The following TIMELESS variants were observed in gnomAD, a reference collection of about 807,000 sequenced individuals.
TIMELESS encodes timeless circadian regulator.
TIMELESS carries 124 observed loss-of-function variants against 164.3 expected under a neutral mutation model. The observed-to-expected ratio is 0.75, with a 90% CI of 0.65 to 0.88. The LOEUF (loss-of-function observed/expected upper bound fraction) is 0.88, where lower values mean the gene tolerates loss of function less well. Among genes scored for constraint, TIMELESS ranks in the 40% least tolerant of loss-of-function variants. The probability of loss-of-function intolerance (pLI) is 0.00; values close to 1 mark genes in which losing one functional copy is unlikely to be tolerated. For synonymous variants in TIMELESS, 564 were observed against 563.4 expected (o/e 1.00, Z -0.02); for missense variants, 1,422 against 1,491.4 (o/e 0.95, Z 0.77).
chr12:56,449,376 T>C lies in TIMELESS; in HGVS notation c.-128A>G, dbSNP rs930513672. ...CCCTCTGGCGCGGGGCCGCAGCCTTTCCGCCACCAGGCTCAGCTGGACCGG... is the reference window on the plus strand; with the variant it reads ...CCCTCTGGCGCGGGGCCGCAGCCTTCCCGCCACCAGGCTCAGCTGGACCGG... On this transcript the variant is annotated 5_prime_UTR_variant, in exon 1 of 29. Coordinates refer to ENST00000553532, the MANE Select transcript of TIMELESS (RefSeq NM_003920.5). 1.3e-5 allele frequency: 2 copies of C among 152,218 alleles called. No individual in the cohort carries two copies. The highest frequency in any genetic ancestry group is 4.8e-5 in the African/African-American group (2 of 41,448). The allele number at this position is 152,218 out of a possible 1,614,324, so 9.4% of individuals were successfully genotyped here.
Position 56,417,659 on chromosome 12 carries a change from G to T in TIMELESS, c.*57C>A. On this transcript the variant is annotated 3_prime_UTR_variant, in exon 29 of 29. Transcript: ENST00000553532. ...GGTCCTGTATGACCCTTCCAACTCT[G>T]ACTTGAATGCACCATCTAAAAACGT... The T allele has an allele frequency of 1.3e-6, 2 of 1,571,866 alleles. No homozygotes were observed. Among genetic ancestry groups the T allele is most frequent in the South Asian group, 2.2e-5 (2 of 89,968 alleles).
At chr12:56,440,133 CTTTTT>C (rs33978004) in intron 1 of TIMELESS, among the ~76,000 whole-genome samples, 26 of 87,640 alleles carry the variant, frequency 3.0e-4, no homozygotes, top group Admixed American at 4.4e-4. Context: ...TCAAATTAAC[CTTTTT>C]TTTTTTTTTT....
intron 1 of TIMELESS, among the ~76,000 whole-genome samples, chr12:56,443,756 T>C (rs1414598987): frequency 6.6e-6 from 1 of 152,220 alleles, no homozygotes; most frequent in Non-Finnish European, 1.5e-5. Flanking sequence ...AGTCTTTCTC[T>C]TTATTTATGA....
Position 56,421,116 on chromosome 12 carries a change from G to A in TIMELESS, c.2887C>T (p.Leu963=). The A allele has an allele frequency of 6.2e-7, 1 of 1,614,102 alleles. No homozygotes were observed. Among genetic ancestry groups the A allele is most frequent in the Non-Finnish European group, 8.5e-7 (1 of 1,180,040 alleles). Residue 963 remains leucine, a synonymous_variant, in exon 24 of 29, where the codon CTG becomes TTG. Coordinates refer to ENST00000553532, the MANE Select transcript of TIMELESS (RefSeq NM_003920.5). ...AGATCTTCCTGGCAAAAATCTTTCAGGGACTCCGCTCCATTTGGCTAAAAT... is the reference window on the plus strand; with the variant it reads ...AGATCTTCCTGGCAAAAATCTTTCAAGGACTCCGCTCCATTTGGCTAAAAT... ...SSILPNGAES[L]KDFCQEDLEE...
chr12:56,443,797 G>T (rs1229379659), intron 1 of TIMELESS, among the ~76,000 whole-genome samples: 2 of 151,990 alleles, frequency 1.3e-5, no homozygotes, highest in Non-Finnish European at 2.9e-5. Context: ...AAATAGAAAA[G>T]AACCTACATT....
intron 8 of TIMELESS, 31 bp downstream of exon 8, chr12:56,431,439 TA>T: frequency 7.5e-6 from 12 of 1,592,430 alleles, no homozygotes; most frequent in Non-Finnish European, 8.5e-6. Context: ...TTCCATGATG[TA>T]GGAAAAAGAA....
At chr12:56,435,585 G>A (rs1486361301) in intron 1 of TIMELESS, among the ~76,000 whole-genome samples, 1 of 152,176 alleles carries the variant, frequency 6.6e-6, no homozygotes, top group Non-Finnish European at 1.5e-5. Context: ...GGCCAAGGCA[G>A]GCAGATCACC....
At chr12:56,419,335 C>G (rs1039167062) in intron 26 of TIMELESS, among the ~76,000 whole-genome samples, 5 of 152,174 alleles carry the variant, frequency 3.3e-5, no homozygotes, top group Non-Finnish European at 7.3e-5. Flanking sequence ...GAACAAATCA[C>G]AGCTGCAAAA....
rs759402624 is a variant in TIMELESS, at chr12:56,433,892, A to T, written c.132T>A (p.His44Gln). 2 of 1,614,048 alleles carry T rather than the reference A, an allele frequency of 1.2e-6. No individual in the cohort carries two copies. Among genetic ancestry groups the T allele is most frequent in the South Asian group, 2.2e-5 (2 of 91,086 alleles). Residue 44 changes from histidine (H) to glutamine (Q), a missense_variant, in exon 3 of 29, where the codon CAT becomes CAA. His to Gln is a conservative substitution (Grantham distance 24). Transcript: ENST00000553532. ...SVKDLIRYLR[H>Q]EDETRDVRQQ... ...GCCGCACATCTCGTGTCTCATCCTC[A>T]TGCCTCAAATAGCGGATCAGATCCT... is the stretch of plus-strand genomic sequence containing the variant.
In TIMELESS at chr12:56,443,948, G is replaced by C. The variant is rs572699791; in HGVS notation, c.-62+5362C>G. On this transcript the variant is annotated intron_variant, in intron 1 of 28. Coordinates refer to ENST00000553532, the MANE Select transcript of TIMELESS (RefSeq NM_003920.5). ...GAGTCTTGCTCTGTCATACAGGCTG[G>C]AGTGCAGTGGCGTGATTTCGGCTCA... Among the ~76,000 whole-genome samples the C allele has an allele frequency of 8.6e-5, 13 of 151,026 alleles. No homozygotes were observed. The South Asian group carries it at 2.5e-3, about 29-fold the overall frequency.
At position 56,428,354 on chromosome 12, in the gene TIMELESS, C is replaced by T. The variant is rs777957155; in HGVS notation, c.1460G>A (p.Arg487Gln). ...EYRELFLALF[R>Q]KFDERCQPRS... The stretch of plus-strand genomic sequence containing the variant: ...GGGCTGGCATCTCTCATCAAACTTT[C>T]GAAAAAGTGCCAGGAATAGTTCTCG... Residue 487 changes from arginine (R) to glutamine (Q), a missense_variant, in exon 13 of 29, where the codon CGA becomes CAA. Transcript: ENST00000553532. The T allele has an allele frequency of 8.7e-6, 14 of 1,612,378 alleles. No individual in the cohort carries two copies. The highest frequency in any genetic ancestry group is 1.6e-4 in the Middle Eastern group (1 of 6,078).
Position 56,423,593 on chromosome 12 carries a change from T to C in TIMELESS, c.2081A>G (p.Tyr694Cys), listed in dbSNP as rs1881573802. The stretch of plus-strand genomic sequence containing the variant: ...GCCTCTCAGCCCGCACCGTTTCAGG[T>C]AGTCCAGAAAATTAAATTCTTTCTC... ...VSEKEFNFLD[Y>C]LKRFACSTVV... Residue 694 changes from tyrosine to cysteine, a missense_variant, in exon 17 of 29, where the codon TAC becomes TGC. Physicochemically the swap from Tyr to Cys is radical, Grantham distance 194 (BLOSUM62 -2). Coordinates refer to ENST00000553532, the MANE Select transcript of TIMELESS (RefSeq NM_003920.5). The C allele has an allele frequency of 6.2e-7, 1 of 1,614,124 alleles. No individual in the cohort carries two copies. The highest frequency in any genetic ancestry group is 8.5e-7 in the Non-Finnish European group (1 of 1,180,022).
intron 13 of TIMELESS, among the ~76,000 whole-genome samples, 167 bp from the exon 14 acceptor site, chr12:56,425,319 G>A (rs1294844125): frequency 6.6e-6 from 1 of 152,186 alleles, no homozygotes; most frequent in African/African-American, 2.4e-5. Context: ...CCTTCCCTTT[G>A]AGGAGCTTTT....
At chr12:56,434,974 T>C (rs1882023017) in intron 1 of TIMELESS, among the ~76,000 whole-genome samples, 1 of 152,132 alleles carries the variant, frequency 6.6e-6, no homozygotes. Flanking sequence ...CCTAGGTGTT[T>C]GAGGTTGCAG....
chr12:56,449,362 G>C lies in TIMELESS; in HGVS notation c.-114C>G, dbSNP rs1047181437. Reference sequence around the variant, plus strand: ...GGAGGAGCCACCGGCCCTCTGGCGCGGGGCCGCAGCCTTTCCGCCACCAGG... The same window carrying C: ...GGAGGAGCCACCGGCCCTCTGGCGCCGGGCCGCAGCCTTTCCGCCACCAGG... On this transcript the variant is annotated 5_prime_UTR_variant, in exon 1 of 29. Coordinates refer to ENST00000553532, the MANE Select transcript of TIMELESS (RefSeq NM_003920.5). 6.6e-6 allele frequency: 1 copy of C among 152,408 alleles called. No individual in the cohort carries two copies. The highest frequency in any genetic ancestry group is 6.5e-5 in the Admixed American group (1 of 15,312). 9.4% of individuals were successfully genotyped at this position (152,408 alleles called of 1,614,324 possible).
In TIMELESS at chr12:56,434,167, C is replaced by T; in HGVS notation, c.4G>A (p.Asp2Asn). 1 of 1,613,918 alleles carries T rather than the reference C, an allele frequency of 6.2e-7. No homozygotes were observed. Among genetic ancestry groups the T allele is most frequent in the African/African-American group, 1.3e-5 (1 of 75,026 alleles). ...AGTTCACAGTTCATCATGTGCAAGT[C>T]CATACATCAGTGGACCAACCAACAG... is the stretch of plus-strand genomic sequence containing the variant. M[D>N]LHMMNCELLA... Residue 2 changes from aspartate to asparagine, a missense_variant, in exon 2 of 29, where the codon GAC (aspartate) becomes AAC (asparagine). By Grantham distance (23) the Asp-to-Asn change is conservative (BLOSUM62 1). Coordinates refer to ENST00000553532, the MANE Select transcript of TIMELESS (RefSeq NM_003920.5).
In TIMELESS at chr12:56,416,634, A is replaced by G. The variant is rs1031826312; in HGVS notation, c.*1082T>C. 6.6e-6 allele frequency: 1 copy of G among 152,038 alleles called. No individual in the cohort carries two copies. The highest frequency in any genetic ancestry group is 1.5e-5 in the Non-Finnish European group (1 of 68,030). 9.4% of individuals were successfully genotyped at this position (152,038 alleles called of 1,614,324 possible). On this transcript the variant is annotated 3_prime_UTR_variant, in exon 29 of 29. Coordinates refer to ENST00000553532, the MANE Select transcript of TIMELESS (RefSeq NM_003920.5). Reference sequence around the variant, plus strand: ...GCCGCATACTCTTGTCACCCTAAGAATTTACCCTAGACAAAAGGATCTAGA... The same window carrying G: ...GCCGCATACTCTTGTCACCCTAAGAGTTTACCCTAGACAAAAGGATCTAGA...
chr12:56,420,662 C>T lies in TIMELESS; in HGVS notation c.3135G>A (p.Val1045=). The change falls in exon 26 of 29, where the codon GTG becomes GTA. Residue 1045 remains valine, a synonymous_variant. Coordinates refer to ENST00000553532, the MANE Select transcript of TIMELESS (RefSeq NM_003920.5). ...CTTCCTCATTTTCCTCTGTGAGTGG[C>T]ACCAATGGAACGGCCTGGGAGCAGC... is the stretch of plus-strand genomic sequence containing the variant. ...EDGCSQAVPL[V]PLTEENEEAM... The T allele has an allele frequency of 6.2e-7, 1 of 1,614,194 alleles. No individual in the cohort carries two copies. Among genetic ancestry groups the T allele is most frequent in the Non-Finnish European group, 8.5e-7 (1 of 1,180,044 alleles).
intron 9 of TIMELESS, among the ~76,000 whole-genome samples, chr12:56,430,676 A>AT (rs1179944796): frequency 1.9e-4 from 28 of 146,806 alleles, no homozygotes; most frequent in Admixed American, 1.0e-3. Context: ...CTTTAATTTA[A>AT]TTTTTTTTTT....
Sources: gnomAD v4.1 joint callset for allele counts (sites outside exome capture counted in the v4.1 genomes callset) on GRCh38, gnomAD v4.1.1 for gene constraint, MANE v1.5 for transcripts, NCBI Gene and HGNC (gene_info 2026-07-23, HGNC 2026-07-21) for gene names.